Variants in CCN2 observed in about 807,000 individuals in gnomAD.
CCN2 encodes CCN family member 2.
Under a neutral mutation model 33.2 loss-of-function variants are expected in CCN2, and 22 were observed. That is an observed-to-expected ratio of 0.66 (90% CI 0.47 to 0.95). CCN2 has a LOEUF of 0.95. Among genes scored for constraint, CCN2 ranks in the 40% least tolerant of loss-of-function variants. CCN2 has a pLI of 0.00. For missense variants in CCN2, 469 were observed against 498.8 expected (o/e 0.94, Z 0.57); for synonymous variants, 178 against 200.6 (o/e 0.89, Z 0.95).
chr6:131,950,211 T>A lies in CCN2; in HGVS notation c.542-51A>T, dbSNP rs1237527446. ...CATGTAAAACGCCTGGATAAGGTAT[T>A]TCCCCCGTTCGGTCGGCACAGTTAG... On this transcript the variant is annotated intron_variant, in intron 3 of 4. Transcript: ENST00000367976. This position sits in a 1 kb window ranked among gnomAD's most constrained non-coding sequence, Gnocchi z 7.1. 1.2e-6 allele frequency: 2 copies of A among 1,612,004 alleles called. No homozygotes were observed. Among genetic ancestry groups the A allele is most frequent in the Non-Finnish European group, 1.7e-6 (2 of 1,178,414 alleles).
At position 131,948,628 on chromosome 6, in the gene CCN2, CAT is replaced by C. The variant is rs770569615; in HGVS notation, c.*634_*635del. The C allele has an allele frequency of 5.4e-3, 787 of 146,658 alleles. No homozygotes were observed. Among genetic ancestry groups the C allele is most frequent in the Non-Finnish European group, 6.5e-3 (437 of 66,764 alleles). The allele number at this position is 146,658 out of a possible 1,614,324, so 9.1% of individuals were successfully genotyped here. ...CTTTAAATTAACTTAGATAACTGTA[CAT>C]ATATATATATATACACACACACACA... On this transcript the variant is annotated 3_prime_UTR_variant, in exon 5 of 5. Transcript: ENST00000367976.
In CCN2 at chr6:131,949,096, C is replaced by T. The variant is rs947661203; in HGVS notation, c.*168G>A. Reference sequence around the variant, plus strand: ...CAAACCAGTGTCTGGGGTTGATAGACTATTTGTTTGACATGGCACAATGTT... The same window carrying T: ...CAAACCAGTGTCTGGGGTTGATAGATTATTTGTTTGACATGGCACAATGTT... On this transcript the variant is annotated 3_prime_UTR_variant, in exon 5 of 5. Coordinates refer to ENST00000367976, the MANE Select transcript of CCN2 (RefSeq NM_001901.4). The T allele has an allele frequency of 7.8e-6, 5 of 643,062 alleles. No homozygotes were observed. The highest frequency in any genetic ancestry group is 5.5e-5 in the African/African-American group (3 of 54,940). The allele number at this position is 643,062 out of a possible 1,614,324, so 39.8% of individuals were successfully genotyped here. A position where few individuals can be genotyped will look rare whatever the true frequency, so the allele number is the denominator to read the frequency against.
rs140688695 is a variant in CCN2, at chr6:131,949,927, T to G, written c.753+22A>C. On this transcript the variant is annotated intron_variant, in intron 4 of 4. Coordinates refer to ENST00000367976, the MANE Select transcript of CCN2 (RefSeq NM_001901.4). The stretch of plus-strand genomic sequence containing the variant: ...CCACTGTTTTTCCTGTGAAAAATAG[T>G]TAATAGGAGCAGAACATGTACCTTA... 43 of 1,611,240 alleles carry G rather than the reference T, an allele frequency of 2.7e-5. No homozygotes were observed. The African/African-American group carries it at 5.2e-4, about 20-fold the overall frequency.
chr6:131,949,247 T>C lies in CCN2; in HGVS notation c.*17A>G. 2 of 1,604,368 alleles carry C rather than the reference T, an allele frequency of 1.2e-6. No individual in the cohort carries two copies. Among genetic ancestry groups the C allele is most frequent in the Non-Finnish European group, 1.7e-6 (2 of 1,171,658 alleles). On this transcript the variant is annotated 3_prime_UTR_variant, in exon 5 of 5. Coordinates refer to ENST00000367976, the MANE Select transcript of CCN2 (RefSeq NM_001901.4). ...CAAGTTCCAGTCTAATGAGTTAATG[T>C]CTCTCACTCTCTGGCTTCATGCCAT...
At chr6:131,949,803 C>T in intron 4 of CCN2, 146 bp downstream of exon 4, 1 of 863,596 alleles carries the variant, frequency 1.2e-6, no homozygotes, top group Admixed American at 2.8e-5. Context: ...TGCTATTACA[C>T]AAGCTCTCAT....
intron 4 of CCN2, 78 bp from the exon 5 acceptor site, chr6:131,949,638 CTG>C: frequency 4.5e-6 from 6 of 1,345,302 alleles, no homozygotes; most frequent in Non-Finnish European, 6.2e-6. Context: ...CTTCAACCCT[CTG>C]TGTTTTAGTC....
chr6:131,951,087 CG>C lies in CCN2; in HGVS notation c.66+19del. The C allele has an allele frequency of 8.4e-6, 11 of 1,308,230 alleles. No individual in the cohort carries two copies. Among genetic ancestry groups the C allele is most frequent in the South Asian group, 6.7e-5 (3 of 44,962 alleles). 81.0% of individuals were successfully genotyped at this position (1,308,230 alleles called of 1,614,324 possible). ...CCTCCCTGGCAGCCGCCGGCCGCAG[CG>C]GGGGCTCCCGGCGCTTACCCGGCTG... On this transcript the variant is annotated intron_variant, in intron 1 of 4. Transcript: ENST00000367976.
In CCN2 at chr6:131,950,179, C is replaced by A. The variant is rs775575525; in HGVS notation, c.542-19G>T. 1 of 1,614,026 alleles carries A rather than the reference C, an allele frequency of 6.2e-7. No homozygotes were observed. Among genetic ancestry groups the A allele is most frequent in the South Asian group, 1.1e-5 (1 of 91,078 alleles). The stretch of plus-strand genomic sequence containing the variant: ...CGGTAAGCTGCGAGAGCAGAGCACA[C>A]AAACACCATGTAAAACGCCTGGATA... On this transcript the variant is annotated intron_variant, in intron 3 of 4. Transcript: ENST00000367976. The surrounding 1 kb of genome is among the most constrained non-coding windows in gnomAD (Gnocchi z 7.1).
Position 131,950,922 on chromosome 6 carries a change from C to A in CCN2, c.137G>T (p.Gly46Val). ...PDEPAPRCPAGVSLVLDGCGC... is the reference protein window; with the variant it reads ...PDEPAPRCPAVVSLVLDGCGC... ...GCAGCCGTCCAGCACGAGGCTCACG[C>A]CCGCCGGGCAGCGCGGCGCCGGCTC... The change falls in exon 2 of 5, where the codon GGC (glycine) becomes GTC (valine). Residue 46 changes from glycine to valine, a missense_variant. Physicochemically the swap from Gly to Val is moderately radical, Grantham distance 109. Coordinates refer to ENST00000367976, the MANE Select transcript of CCN2 (RefSeq NM_001901.4). This position sits in a 1 kb window ranked among gnomAD's most constrained non-coding sequence, Gnocchi z 7.1. The A allele has an allele frequency of 1.4e-6, 2 of 1,469,826 alleles. No homozygotes were observed. Among genetic ancestry groups the A allele is most frequent in the Non-Finnish European group, 1.8e-6 (2 of 1,121,046 alleles). 91.0% of individuals were successfully genotyped at this position (1,469,826 alleles called of 1,614,324 possible). A position where few individuals can be genotyped will look rare whatever the true frequency, so the allele number is the denominator to read the frequency against.
chr6:131,950,183 C>T lies in CCN2; in HGVS notation c.542-23G>A, dbSNP rs1229494447. 2.2e-5 allele frequency: 35 copies of T among 1,613,852 alleles called. No individual in the cohort carries two copies. The highest frequency in any genetic ancestry group is 2.9e-5 in the Non-Finnish European group (34 of 1,179,886). On this transcript the variant is annotated intron_variant, in intron 3 of 4. Coordinates refer to ENST00000367976, the MANE Select transcript of CCN2 (RefSeq NM_001901.4). This position sits in a 1 kb window ranked among gnomAD's most constrained non-coding sequence, Gnocchi z 7.1. Reference sequence around the variant, plus strand: ...AAGCTGCGAGAGCAGAGCACACAAACACCATGTAAAACGCCTGGATAAGGT... The same window carrying T: ...AAGCTGCGAGAGCAGAGCACACAAATACCATGTAAAACGCCTGGATAAGGT...
Position 131,950,983 on chromosome 6 carries a change from C to T in CCN2, c.76G>A (p.Gly26Ser), listed in dbSNP as rs1585881921. ...LLALCSRPAV[G>S]QNCSGPCRCP... ...CGGCACGGCCCGCTGCAGTTCTGGCCGACGGCCGGCTGCAGGGAGGACAGG... is the reference window on the plus strand; with the variant it reads ...CGGCACGGCCCGCTGCAGTTCTGGCTGACGGCCGGCTGCAGGGAGGACAGG... Residue 26 changes from glycine (G) to serine (S), a missense_variant, in exon 2 of 5, where the codon GGC becomes AGC. By Grantham distance (56) the Gly-to-Ser change is moderately conservative. Coordinates refer to ENST00000367976, the MANE Select transcript of CCN2 (RefSeq NM_001901.4). This position sits in a 1 kb window ranked among gnomAD's most constrained non-coding sequence, Gnocchi z 7.1. The T allele has an allele frequency of 6.1e-6, 8 of 1,319,988 alleles. No homozygotes were observed. The highest frequency in any genetic ancestry group is 7.7e-6 in the Non-Finnish European group (8 of 1,044,878). 81.8% of individuals were successfully genotyped at this position (1,319,988 alleles called of 1,614,324 possible).
rs1241818800 is a variant in CCN2, at chr6:131,949,215, A to T, written c.*49T>A. On this transcript the variant is annotated 3_prime_UTR_variant, in exon 5 of 5. Transcript: ENST00000367976. Reference sequence around the variant, plus strand: ...ATTTTTACGGAAAAATGAGATGTGAATCAGTTCAAGTTCCAGTCTAATGAG... The same window carrying T: ...ATTTTTACGGAAAAATGAGATGTGATTCAGTTCAAGTTCCAGTCTAATGAG... The T allele has an allele frequency of 6.7e-7, 1 of 1,486,054 alleles. No homozygotes were observed. Among genetic ancestry groups the T allele is most frequent in the African/African-American group, 1.4e-5 (1 of 72,432 alleles). 92.1% of individuals were successfully genotyped at this position (1,486,054 alleles called of 1,614,324 possible). A position where few individuals can be genotyped will look rare whatever the true frequency, so the allele number is the denominator to read the frequency against.
At position 131,950,566 on chromosome 6, in the gene CCN2, AGGGGT is replaced by A. The variant is rs769789228; in HGVS notation, c.290-28_290-24del. ...TGGCTGGAGAAGAGGAAGGGAAGAG[AGGGGT>A]GGGGGATGCAGAGGTCAGGCATTGG... On this transcript the variant is annotated intron_variant, in intron 2 of 4. Transcript: ENST00000367976. The surrounding 1 kb of genome is among the most constrained non-coding windows in gnomAD (Gnocchi z 7.1). The A allele has an allele frequency of 7.5e-6, 12 of 1,608,300 alleles. No individual in the cohort carries two copies. The highest frequency in any genetic ancestry group is 9.3e-6 in the Non-Finnish European group (11 of 1,176,810).
In CCN2 at chr6:131,949,312, G is replaced by A. The variant is rs1442459173; in HGVS notation, c.1002C>T (p.Asp334=). The A allele has an allele frequency of 1.2e-6, 2 of 1,614,090 alleles. No individual in the cohort carries two copies. Among genetic ancestry groups the A allele is most frequent in the African/African-American group, 2.7e-5 (2 of 74,930 alleles). ...ACHYNCPGDN[D]IFESLYYRKM... ...TCCTGTAGTACAGCGATTCAAAGAT[G>A]TCATTGTCTCCGGGACAGTTGTAAT... Residue 334 remains aspartate, a synonymous_variant, in exon 5 of 5, where the codon GAC becomes GAT. Coordinates refer to ENST00000367976, the MANE Select transcript of CCN2 (RefSeq NM_001901.4).
rs770569615 is a variant in CCN2 at position 131,948,628 on chromosome 6, C to CAT, written c.*634_*635dup. The CAT allele has an allele frequency of 9.5e-3, 1,400 of 146,680 alleles. 9 individuals are homozygous for CAT. Among genetic ancestry groups the CAT allele is most frequent in the African/African-American group, 0.018 (676 of 38,478 alleles). 9.1% of individuals were successfully genotyped at this position (146,680 alleles called of 1,614,324 possible). A position where few individuals can be genotyped will look rare whatever the true frequency, so the allele number is the denominator to read the frequency against. On this transcript the variant is annotated 3_prime_UTR_variant, in exon 5 of 5. Coordinates refer to ENST00000367976, the MANE Select transcript of CCN2 (RefSeq NM_001901.4). ...CTTTAAATTAACTTAGATAACTGTACATATATATATATATACACACACACA... is the reference window on the plus strand; with the variant it reads ...CTTTAAATTAACTTAGATAACTGTACATATATATATATATATACACACACACA...
chr6:131,951,282 G>T lies in CCN2; in HGVS notation c.-110C>A, dbSNP rs751442523. On this transcript the variant is annotated 5_prime_UTR_variant, in exon 1 of 5. Coordinates refer to ENST00000367976, the MANE Select transcript of CCN2 (RefSeq NM_001901.4). ...GGGGACCGGGACGCGCCGGGCTGTC[G>T]TCTCGGGGCTGTCGGCCGGGGCGGC... 11 of 974,388 alleles carry T rather than the reference G, an allele frequency of 1.1e-5. No individual in the cohort carries two copies. In the Admixed American group the frequency reaches 4.9e-4, roughly 43 times the overall value. 60.4% of individuals were successfully genotyped at this position (974,388 alleles called of 1,614,324 possible).
rs1226369163 is a variant in CCN2 at position 131,950,016 on chromosome 6, C to T, written c.686G>A (p.Arg229Lys). Residue 229 changes from arginine (R) to lysine (K), a missense_variant, in exon 4 of 5, where the codon AGG (arginine) becomes AAG (lysine). By Grantham distance (26) the Arg-to-Lys change is conservative. Transcript: ENST00000367976. This position sits in a 1 kb window ranked among gnomAD's most constrained non-coding sequence, Gnocchi z 7.1. ...GCACAGGCGGCTCTGCTTCTCTAGCCTGCAGGAGGCGTTGTCATTGGTAAC... is the reference window on the plus strand; with the variant it reads ...GCACAGGCGGCTCTGCTTCTCTAGCTTGCAGGAGGCGTTGTCATTGGTAAC... ...TRVTNDNASC[R>K]LEKQSRLCMV... The T allele has an allele frequency of 1.9e-6, 3 of 1,614,114 alleles. No individual in the cohort carries two copies. The highest frequency in any genetic ancestry group is 2.5e-6 in the Non-Finnish European group (3 of 1,180,052).
rs2114783016 is a variant in CCN2, at chr6:131,950,268, G to A, written c.541+24C>T. 6.2e-7 allele frequency: 1 copy of A among 1,611,560 alleles called. No homozygotes were observed. Among genetic ancestry groups the A allele is most frequent in the African/African-American group, 1.3e-5 (1 of 75,012 alleles). ...CTCCCTGGGAGAGAATCACGACCCTGACTTAGAGGAAGACTCGACTCACCC... is the reference window on the plus strand; with the variant it reads ...CTCCCTGGGAGAGAATCACGACCCTAACTTAGAGGAAGACTCGACTCACCC... On this transcript the variant is annotated intron_variant, in intron 3 of 4. Transcript: ENST00000367976. The surrounding 1 kb of genome is among the most constrained non-coding windows in gnomAD (Gnocchi z 7.1).
Position 131,950,888 on chromosome 6 carries a change from G to A in CCN2, c.171C>T (p.Cys57=). 1 of 1,529,206 alleles carries A rather than the reference G, an allele frequency of 6.5e-7. No individual in the cohort carries two copies. Among genetic ancestry groups the A allele is most frequent in the East Asian group, 2.5e-5 (1 of 40,370 alleles). 94.7% of individuals were successfully genotyped at this position (1,529,206 alleles called of 1,614,324 possible). A position where few individuals can be genotyped will look rare whatever the true frequency, so the allele number is the denominator to read the frequency against. ...VSLVLDGCGC[C]RVCAKQLGEL... is the part of the protein sequence containing the mutation. ...CGCCCAGCTGCTTGGCGCAGACGCG[G>A]CAGCAGCCGCAGCCGTCCAGCACGA... The change falls in exon 2 of 5, where the codon TGC becomes TGT. Residue 57 remains cysteine, a synonymous_variant. Coordinates refer to ENST00000367976, the MANE Select transcript of CCN2 (RefSeq NM_001901.4). The surrounding 1 kb of genome is among the most constrained non-coding windows in gnomAD (Gnocchi z 7.1).
Sources: gnomAD v4.1 joint callset for allele counts on GRCh38, gnomAD v4.1.1 for gene constraint, Gnocchi (gnomAD v3.1) non-coding constraint, MANE v1.5 for transcripts, NCBI Gene and HGNC (gene_info 2026-07-23, HGNC 2026-07-21) for gene names.